The following CACNA2D1 variants were observed in gnomAD, a reference collection of about 807,000 sequenced individuals.
The protein encoded by CACNA2D1 is voltage-dependent calcium channel subunit alpha-2/delta-1.
Under a neutral mutation model 171.5 loss-of-function variants are expected in CACNA2D1, and 53 were observed. The ratio of observed to expected loss-of-function variants is 0.31; its 90% CI spans 0.25 to 0.39. CACNA2D1 has a LOEUF of 0.39. Ranked by LOEUF, CACNA2D1 falls within the 10% of genes least tolerant of loss-of-function variation. CACNA2D1 has a pLI of 1.00. For synonymous variants in CACNA2D1, 442 were observed against 443.1 expected (o/e 1.00, Z 0.03); for missense variants, 903 against 1,299.8 (o/e 0.69, Z 4.69).
chr7:82,209,856 A>G (rs1800386474), intron 3 of CACNA2D1, among the ~76,000 whole-genome samples: 1 of 152,164 alleles, frequency 6.6e-6, no homozygotes, highest in Non-Finnish European at 1.5e-5. Context: ...ACTGAAGTAT[A>G]TTTTTGGTAC....
intron 12 of CACNA2D1, among the ~76,000 whole-genome samples, chr7:82,030,811 A>C (rs1222255768): frequency 6.6e-6 from 1 of 151,942 alleles, no homozygotes; most frequent in East Asian, 1.9e-4. Context: ...GAGTAAGATT[A>C]ATTTGTAAAT....
At chr7:82,266,183 C>T (rs1488301638) in intron 3 of CACNA2D1, among the ~76,000 whole-genome samples, 2 of 152,050 alleles carry the variant, frequency 1.3e-5, no homozygotes, top group African/African-American at 4.8e-5. Flanking sequence ...AACTGTCTGG[C>T]TTTTAGACAA....
chr7:81,974,168 A>C (rs530054019), intron 25 of CACNA2D1, among the ~76,000 whole-genome samples: 30 of 152,102 alleles, frequency 2.0e-4, no homozygotes, highest in Non-Finnish European at 1.5e-4. Context: ...ATTCAAAATT[A>C]AATTTCCTAA....
intron 22 of CACNA2D1, among the ~76,000 whole-genome samples, chr7:81,983,926 GT>G (rs1234919308): frequency 6.6e-6 from 1 of 152,022 alleles, no homozygotes; most frequent in Non-Finnish European, 1.5e-5. Context: ...AAAATTTAAG[GT>G]TGTTAGCAAT....
intron 3 of CACNA2D1, among the ~76,000 whole-genome samples, chr7:82,278,688 T>C (rs913129101): frequency 4.6e-5 from 7 of 152,174 alleles, no homozygotes; most frequent in African/African-American, 1.7e-4. Context: ...TTTTATTTCT[T>C]TGGAGTAAGA....
chr7:82,259,225 TAGAC>T (rs3055605), intron 3 of CACNA2D1, among the ~76,000 whole-genome samples: 112,761 of 151,402 alleles, frequency 0.74, 43,154 homozygotes, highest in African/African-American at 0.92. Flanking sequence ...GAGAGATAAA[TAGAC>T]AGACAGACAG....
At chr7:82,311,949 C>T (rs1225101002) in intron 3 of CACNA2D1, among the ~76,000 whole-genome samples, 1 of 152,068 alleles carries the variant, frequency 6.6e-6, no homozygotes, top group Non-Finnish European at 1.5e-5. Flanking sequence ...CCAAGAACCT[C>T]AACATATTTT....
At chr7:82,254,606 G>T (rs900985569) in intron 3 of CACNA2D1, among the ~76,000 whole-genome samples, 3 of 152,092 alleles carry the variant, frequency 2.0e-5, no homozygotes, top group African/African-American at 4.8e-5. Context: ...AGTGGTAGGA[G>T]GAAGAAATAA....
chr7:81,954,398 T>C (rs1792972284), intron 38 of CACNA2D1, among the ~76,000 whole-genome samples: 1 of 152,004 alleles, frequency 6.6e-6, no homozygotes, highest in Non-Finnish European at 1.5e-5. Context: ...ATTAAAGATA[T>C]CAACTAAGAA....
At chr7:82,245,097 C>T (rs1804746470) in intron 3 of CACNA2D1, among the ~76,000 whole-genome samples, 1 of 152,190 alleles carries the variant, frequency 6.6e-6, no homozygotes, top group Non-Finnish European at 1.5e-5. Context: ...AGCAACAGCT[C>T]AGAGCCGATT....
intron 24 of CACNA2D1, among the ~76,000 whole-genome samples, chr7:81,980,092 G>A (rs1466651155): frequency 2.5e-5 from 2 of 79,454 alleles, no homozygotes; most frequent in African/African-American, 1.1e-4. Flanking sequence ...GAGGGAGCGG[G>A]ATGCATATGT....
intron 1 of CACNA2D1, among the ~76,000 whole-genome samples, chr7:82,387,568 A>G (rs1052960612): frequency 2.0e-5 from 3 of 152,212 alleles, no homozygotes; most frequent in African/African-American, 7.2e-5. Flanking sequence ...AAGTTATAAT[A>G]TATTGATATG....
chr7:81,951,976 T>TTTTTTTTTTTTGTTTTTTG (rs1554321728), intron 38 of CACNA2D1, among the ~76,000 whole-genome samples: 142 of 148,072 alleles, frequency 9.6e-4, no homozygotes, highest in African/African-American at 3.4e-3. Context: ...AGTGTTTTTT[T>TTTTTTTTTTTTGTTTTTTG]TTTTTTTTTT....
intron 3 of CACNA2D1, among the ~76,000 whole-genome samples, chr7:82,315,135 C>G (rs775482609): frequency 1.3e-5 from 2 of 151,750 alleles, no homozygotes; most frequent in Non-Finnish European, 2.9e-5. Flanking sequence ...TCAACAACAA[C>G]AGCAACAACA....
intron 1 of CACNA2D1, among the ~76,000 whole-genome samples, chr7:82,393,075 AAGGAAGGAAGGCAGGC>A (rs1442413653): frequency 0.029 from 3,606 of 125,210 alleles, 48 homozygotes; most frequent in Non-Finnish European, 0.034. Context: ...GGAAGGAAGG[AAGGAAGGAAGGCAGGC>A]AGGCAGGCAG....
chr7:82,326,921 T>C (rs1816715617), intron 3 of CACNA2D1, among the ~76,000 whole-genome samples: 1 of 152,252 alleles, frequency 6.6e-6, no homozygotes, highest in Non-Finnish European at 1.5e-5. Flanking sequence ...CAATCCTAGA[T>C]GGATTCAACA....
At chr7:82,123,106 G>A (rs1211958131) in intron 5 of CACNA2D1, among the ~76,000 whole-genome samples, 1 of 152,180 alleles carries the variant, frequency 6.6e-6, no homozygotes, top group Admixed American at 6.5e-5. Flanking sequence ...GTGCCCAAGT[G>A]TGTAAAGCAT....
Position 82,013,743 on chromosome 7 carries a change from A to G in CACNA2D1, c.1223-233T>C, listed in dbSNP as rs147770622. ...ATTTCTTAGTTACTATAAAATAGGT[A>G]TTCTTCTATGAAGGAATAGGAAACA... On this transcript the variant is annotated intron_variant, in intron 13 of 38. Transcript: ENST00000356860. Among the ~76,000 whole-genome samples, 801 of 152,008 alleles carry G rather than the reference A, an allele frequency of 5.3e-3. 12 individuals are homozygous for G. The highest frequency in any genetic ancestry group is 0.018 in the African/African-American group (754 of 41,572).
At chr7:81,959,094 T>G (rs533352993) in intron 38 of CACNA2D1, among the ~76,000 whole-genome samples, 181 bp downstream of exon 38, 1 of 152,152 alleles carries the variant, frequency 6.6e-6, no homozygotes, top group East Asian at 1.9e-4. Context: ...ACTGTCAAGT[T>G]TATGCTAACC....
Sources: gnomAD v4.1 joint callset for allele counts (sites outside exome capture counted in the v4.1 genomes callset) on GRCh38, gnomAD v4.1.1 for gene constraint, MANE v1.5 for transcripts, NCBI Gene and HGNC (gene_info 2026-07-23, HGNC 2026-07-21) for gene names.